Variants in DLGAP2 observed in about 807,000 individuals in gnomAD.
DLGAP2 encodes the protein DLG associated protein 2, also known as disks large-associated protein 2.
In DLGAP2, 26 loss-of-function variants were observed where a neutral mutation model predicts 100.3. The ratio of observed to expected loss-of-function variants is 0.26; its 90% CI spans 0.19 to 0.36. The LOEUF (loss-of-function observed/expected upper bound fraction) is 0.36, where lower values mean the gene tolerates loss of function less well. Among genes scored for constraint, DLGAP2 ranks in the 10% least tolerant of loss-of-function variants. The pLI is 1.00. For missense variants in DLGAP2, 1,858 were observed against 1,453.2 expected (o/e 1.28, Z -4.53); for synonymous variants, 886 against 630.1 (o/e 1.41, Z -6.08).
chr8:1,185,693 ACACACACACT>A (rs1797483511), intron 2 of DLGAP2, among the ~76,000 whole-genome samples: 1 of 139,134 alleles, frequency 7.2e-6, no homozygotes, highest in South Asian at 2.3e-4. Context: ...CTAGCTGTAA[ACACACACACT>A]CACACTCACA....
At chr8:1,389,405 C>A (rs1014893553) in intron 3 of DLGAP2, among the ~76,000 whole-genome samples, 2 of 151,828 alleles carry the variant, frequency 1.3e-5, no homozygotes, top group African/African-American at 2.4e-5. Flanking sequence ...GAGAAAGTGG[C>A]GAAGCTTGGA....
intron 3 of DLGAP2, chr8:1,369,965 C>G (rs181872678): frequency 1.3e-5 from 2 of 152,238 alleles, no homozygotes; most frequent in African/African-American, 4.8e-5. Flanking sequence ...CCTGAAATCT[C>G]AGAGTGATGG....
At chr8:1,617,879 G>A (rs1310601733) in intron 6 of DLGAP2, among the ~76,000 whole-genome samples, 1 of 152,156 alleles carries the variant, frequency 6.6e-6, no homozygotes, top group Non-Finnish European at 1.5e-5. Context: ...TATATGAATA[G>A]GACATATGGA....
chr8:1,254,671 G>C (rs1799130686), intron 2 of DLGAP2, among the ~76,000 whole-genome samples: 1 of 150,416 alleles, frequency 6.6e-6, no homozygotes, highest in South Asian at 2.1e-4. Flanking sequence ...ATGACTCAGT[G>C]GTGTCTTTCC....
At chr8:774,761 A>G (rs1207159204) in intron 1 of DLGAP2, among the ~76,000 whole-genome samples, 29 of 149,238 alleles carry the variant, frequency 1.9e-4, no homozygotes, top group Non-Finnish European at 3.1e-4. Flanking sequence ...GCCTTGTAGT[A>G]TAGTTTGAAG....
intron 4 of DLGAP2, among the ~76,000 whole-genome samples, chr8:1,547,186 G>T (rs183767562): frequency 6.6e-6 from 1 of 152,296 alleles, no homozygotes; most frequent in South Asian, 2.1e-4. Flanking sequence ...AGGGAGGCTC[G>T]GCAGCTCCTC....
intron 3 of DLGAP2, among the ~76,000 whole-genome samples, chr8:1,284,377 A>G (rs929128827): frequency 6.6e-6 from 1 of 152,112 alleles, no homozygotes; most frequent in African/African-American, 2.4e-5. Context: ...CATTAAAATG[A>G]TCCCATCAGT....
intron 3 of DLGAP2, among the ~76,000 whole-genome samples, chr8:1,330,803 G>T (rs1328288090): frequency 1.4e-5 from 2 of 142,252 alleles, no homozygotes; most frequent in African/African-American, 5.4e-5. Context: ...GCTTCACGGG[G>T]ACCGAGTTCT....
chr8:1,333,147 C>G (rs958428633), intron 3 of DLGAP2, among the ~76,000 whole-genome samples: 1 of 152,128 alleles, frequency 6.6e-6, no homozygotes, highest in African/African-American at 2.4e-5. Flanking sequence ...GGCGTGAGCA[C>G]AAGGAGAGAG....
chr8:828,232 G>A (rs1281851646), intron 1 of DLGAP2, among the ~76,000 whole-genome samples: 2 of 152,170 alleles, frequency 1.3e-5, no homozygotes, highest in Non-Finnish European at 1.5e-5. Flanking sequence ...TATTAGGCAG[G>A]AATTTCCTCT....
chr8:1,455,726 C>T (rs1335211604), intron 3 of DLGAP2, among the ~76,000 whole-genome samples: 2 of 152,176 alleles, frequency 1.3e-5, no homozygotes, highest in African/African-American at 2.4e-5. Context: ...ATTAATTAAG[C>T]GTCGCATCCT....
In DLGAP2 at chr8:803,895, T is replaced by C. The variant is rs79939202; in HGVS notation, c.18+66070T>C. 4.6e-3 allele frequency among the ~76,000 whole-genome samples: 694 copies of C among 152,332 alleles called. 5 individuals carry two copies. Among genetic ancestry groups the C allele is most frequent in the African/African-American group, 0.016 (662 of 41,560 alleles). On this transcript the variant is annotated intron_variant, in intron 1 of 14. Transcript: ENST00000637795. ...AGGAAGGAACTATAATTCATGCACT[T>C]AGGGCTTTCAAAAGAAATTTGGAGT...
At chr8:1,019,221 G>C (rs1466115956) in intron 2 of DLGAP2, 1 of 152,000 alleles carries the variant, frequency 6.6e-6, no homozygotes, top group African/African-American at 2.4e-5. Context: ...TCCCATGCTG[G>C]CTTTCCCACA....
intron 2 of DLGAP2, among the ~76,000 whole-genome samples, chr8:1,249,428 C>A (rs1178918369): frequency 6.6e-6 from 1 of 152,164 alleles, no homozygotes. Context: ...GGCCTAAATA[C>A]AACTTTCTTC....
At chr8:1,454,176 G>A (rs1798240585) in intron 3 of DLGAP2, among the ~76,000 whole-genome samples, 1 of 152,220 alleles carries the variant, frequency 6.6e-6, no homozygotes, top group African/African-American at 2.4e-5. Context: ...CTCTGTGGAT[G>A]TGTGTGTATG....
chr8:1,690,695 C>A (rs1193834625), intron 12 of DLGAP2, among the ~76,000 whole-genome samples: 5 of 104,032 alleles, frequency 4.8e-5, no homozygotes, highest in Admixed American at 2.2e-4. Flanking sequence ...TAAAGGGAGA[C>A]CCTATCTCAA....
chr8:1,561,426 C>T (rs546950804), intron 5 of DLGAP2, among the ~76,000 whole-genome samples: 6 of 152,158 alleles, frequency 3.9e-5, no homozygotes, highest in Non-Finnish European at 4.4e-5. Context: ...CCACAGACAC[C>T]GCCTGTCCAG....
At chr8:1,219,176 A>G (rs1798270075) in intron 2 of DLGAP2, among the ~76,000 whole-genome samples, 1 of 152,178 alleles carries the variant, frequency 6.6e-6, no homozygotes, top group Admixed American at 6.5e-5. Context: ...AAGTAGTGTG[A>G]GAGGGCATTC....
At chr8:1,684,623 G>A (rs1435704433) in intron 12 of DLGAP2, among the ~76,000 whole-genome samples, 1 of 152,062 alleles carries the variant, frequency 6.6e-6, no homozygotes, top group African/African-American at 2.4e-5. Context: ...AAAATCTATA[G>A]TGAACCCAAA....
Sources: gnomAD v4.1 joint callset for allele counts (sites outside exome capture counted in the v4.1 genomes callset) on GRCh38, gnomAD v4.1.1 for gene constraint, MANE v1.5 for transcripts, NCBI Gene and HGNC (gene_info 2026-07-23, HGNC 2026-07-21) for gene names.